Variants in STEAP3 observed in about 807,000 individuals in gnomAD.
STEAP3 encodes STEAP3 metalloreductase.
A neutral mutation model predicts 34.9 loss-of-function variants in STEAP3; 35 were observed. The observed-to-expected ratio is 1.00, with a 90% CI of 0.76 to 1.33. The LOEUF (loss-of-function observed/expected upper bound fraction) is 1.33. STEAP3 is among the 40% of genes most tolerant of loss of function. The pLI is 0.00. For synonymous variants in STEAP3, 281 were observed against 301.6 expected (o/e 0.93, Z 0.71); for missense variants, 652 against 667.6 (o/e 0.98, Z 0.26).
At chr2:119,229,160 C>T (rs549452125) in intron 1 of STEAP3, among the ~76,000 whole-genome samples, 8 of 152,298 alleles carry the variant, frequency 5.3e-5, no homozygotes, top group African/African-American at 9.6e-5. Context: ...CTGCCTGACA[C>T]CTGCTGGCTC....
At chr2:119,224,140 C>T (rs986148852) in intron 1 of STEAP3, among the ~76,000 whole-genome samples, 9 of 152,336 alleles carry the variant, frequency 5.9e-5, no homozygotes, top group African/African-American at 2.2e-4. Flanking sequence ...TAGGCAGGGC[C>T]GGCGGCGACA....
At chr2:119,255,202 G>C (rs926079362) in intron 5 of STEAP3, among the ~76,000 whole-genome samples, 1 of 152,104 alleles carries the variant, frequency 6.6e-6, no homozygotes, top group Middle Eastern at 3.2e-3. Context: ...GTCTAGGTAG[G>C]AGTCATCATC....
At chr2:119,251,336 G>T (rs1677620065) in intron 4 of STEAP3, among the ~76,000 whole-genome samples, 1 of 152,208 alleles carries the variant, frequency 6.6e-6, no homozygotes. Context: ...CCCTGAGTCT[G>T]CAGATTAGGA....
At chr2:119,240,820 A>G (rs1160330890) in intron 2 of STEAP3, among the ~76,000 whole-genome samples, 1 of 152,072 alleles carries the variant, frequency 6.6e-6, no homozygotes, top group Non-Finnish European at 1.5e-5. Flanking sequence ...CAGTTCTATA[A>G]ATAGAACCCC....
chr2:119,252,234 G>T (rs1462877374), intron 4 of STEAP3, among the ~76,000 whole-genome samples: 1 of 152,218 alleles, frequency 6.6e-6, no homozygotes, highest in African/African-American at 2.4e-5. Flanking sequence ...AATGCTTTTA[G>T]TCCTGCAGTA....
In STEAP3 at chr2:119,263,891, A is replaced by G. The variant is rs1678027558; in HGVS notation, c.*553A>G. The G allele has an allele frequency of 5.6e-6, 1 of 180,042 alleles. No homozygotes were observed. Among genetic ancestry groups the G allele is most frequent in the Admixed American group, 5.4e-5 (1 of 18,390 alleles). The allele number at this position is 180,042 out of a possible 1,614,324, so 11.2% of individuals were successfully genotyped here. On this transcript the variant is annotated 3_prime_UTR_variant, in exon 6 of 6. Coordinates refer to ENST00000393110, the MANE Select transcript of STEAP3 (RefSeq NM_182915.3). ...TCCCTCCACCTGGGGCAGCAGCAGG[A>G]GGCCTGGGGAGGAGGAAAATCAGGC... is the stretch of plus-strand genomic sequence containing the variant.
intron 1 of STEAP3, among the ~76,000 whole-genome samples, chr2:119,227,569 A>G (rs1271506449): frequency 6.6e-6 from 1 of 152,188 alleles, no homozygotes; most frequent in Non-Finnish European, 1.5e-5. Flanking sequence ...CTTCTGCTTA[A>G]TGAGAGCCAG....
At chr2:119,225,238 G>A (rs1208473452) in intron 1 of STEAP3, among the ~76,000 whole-genome samples, 1 of 152,236 alleles carries the variant, frequency 6.6e-6, no homozygotes, top group Non-Finnish European at 1.5e-5. Context: ...CTGGTGGCCT[G>A]CAGAGGGGCT....
rs111998336 is a variant in STEAP3 at position 119,232,502 on chromosome 2, C to T, written c.22+1468C>T. Among the ~76,000 whole-genome samples, 436 of 152,268 alleles carry T rather than the reference C, an allele frequency of 2.9e-3. 4 individuals carry two copies. The highest frequency in any genetic ancestry group is 9.7e-3 in the African/African-American group (404 of 41,556). On this transcript the variant is annotated intron_variant, in intron 2 of 5. Coordinates refer to ENST00000393110, the MANE Select transcript of STEAP3 (RefSeq NM_182915.3). Reference sequence around the variant, plus strand: ...GTTAGGTGCTGGGATGTGCCTGCCCCGCTCCTCTCTGTTGGGGAAGACGGA... The same window carrying T: ...GTTAGGTGCTGGGATGTGCCTGCCCTGCTCCTCTCTGTTGGGGAAGACGGA...
chr2:119,262,096 G>A (rs1363376940), intron 5 of STEAP3, among the ~76,000 whole-genome samples: 4 of 152,092 alleles, frequency 2.6e-5, no homozygotes, highest in East Asian at 1.9e-4. Context: ...CTTTCTATAC[G>A]GTGCCAGGTC....
chr2:119,231,075 G>C (rs369468585), intron 2 of STEAP3, 41 bp downstream of exon 2: 2 of 1,613,638 alleles, frequency 1.2e-6, no homozygotes, highest in Non-Finnish European at 1.7e-6. Flanking sequence ...GGCATGGGTC[G>C]TGTGCAAACC....
intron 2 of STEAP3, among the ~76,000 whole-genome samples, chr2:119,237,064 A>T (rs1677112589): frequency 2.0e-5 from 3 of 152,248 alleles, no homozygotes. Context: ...TTGCAGAGCC[A>T]CTGTGCTAGT....
Position 119,236,013 on chromosome 2 carries a change from C to T in STEAP3, c.22+4979C>T, listed in dbSNP as rs530797762. 2.0e-5 allele frequency among the ~76,000 whole-genome samples: 3 copies of T among 152,342 alleles called. No individual in the cohort carries two copies. In the South Asian group the frequency reaches 6.2e-4, roughly 32 times the overall value. On this transcript the variant is annotated intron_variant, in intron 2 of 5. Coordinates refer to ENST00000393110, the MANE Select transcript of STEAP3 (RefSeq NM_182915.3). ...CTCTTCCCCCTTCTTCTTCCCACTC[C>T]CAAGTCCCAAATAGTAGCAGGTCTT...
intron 1 of STEAP3, among the ~76,000 whole-genome samples, chr2:119,224,871 A>G (rs1678989750): frequency 1.3e-5 from 2 of 152,194 alleles, no homozygotes; most frequent in South Asian, 4.1e-4. Flanking sequence ...ACAGGAAGGC[A>G]CCATTATCTC....
At chr2:119,251,510 A>G (rs548969410) in intron 4 of STEAP3, among the ~76,000 whole-genome samples, 1 of 152,166 alleles carries the variant, frequency 6.6e-6, no homozygotes, top group African/African-American at 2.4e-5. Flanking sequence ...GATCAAAGAA[A>G]TGTTTAACCT....
At chr2:119,252,264 T>A (rs1573571246) in intron 4 of STEAP3, among the ~76,000 whole-genome samples, 3 of 152,368 alleles carry the variant, frequency 2.0e-5, no homozygotes, top group African/African-American at 7.2e-5. Flanking sequence ...GATACAATGA[T>A]GCTATGAGCC....
intron 5 of STEAP3, 92 bp downstream of exon 5, chr2:119,254,940 T>G: frequency 6.9e-7 from 1 of 1,455,584 alleles, no homozygotes; most frequent in South Asian, 1.3e-5. Flanking sequence ...CTGCCTGGGC[T>G]CTGATCATCT....
intron 5 of STEAP3, among the ~76,000 whole-genome samples, chr2:119,256,229 G>A (rs770334671): frequency 6.6e-6 from 1 of 152,190 alleles, no homozygotes; most frequent in Non-Finnish European, 1.5e-5. Context: ...ACAACACAGA[G>A]TTGTAGCCGT....
intron 2 of STEAP3, among the ~76,000 whole-genome samples, chr2:119,231,339 T>TTACG (rs1676927627): frequency 1.3e-5 from 1 of 78,284 alleles, no homozygotes; most frequent in African/African-American, 4.4e-5. Context: ...TCACACACAG[T>TTACG]TGCGTGTGTG....
Sources: gnomAD v4.1 joint callset for allele counts (sites outside exome capture counted in the v4.1 genomes callset) on GRCh38, gnomAD v4.1.1 for gene constraint, MANE v1.5 for transcripts, NCBI Gene and HGNC (gene_info 2026-07-23, HGNC 2026-07-21) for gene names.